Variants in SEPTIN4 observed in about 807,000 individuals in gnomAD.
SEPTIN4 encodes septin-4.
Under a neutral mutation model 107.1 loss-of-function variants are expected in SEPTIN4, and 52 were observed. That is an observed-to-expected ratio of 0.49 (90% CI 0.39 to 0.61). SEPTIN4 has a LOEUF of 0.61. Among genes scored for constraint, SEPTIN4 ranks in the 20% least tolerant of loss-of-function variants. The pLI, the probability that SEPTIN4 is intolerant of heterozygous loss-of-function variation, is 0.00. For synonymous variants in SEPTIN4, 417 were observed against 467.0 expected, an observed-to-expected ratio of 0.89 and a Z score of 1.38; for missense variants, 1,048 against 1,243.5, an observed-to-expected ratio of 0.84 and a Z score of 2.36.
Position 58,538,391 on chromosome 17 carries a change from A to G in SEPTIN4, c.1614+2275T>C, listed in dbSNP as rs2043787153. On this transcript the variant is annotated intron_variant, in intron 3 of 13. Transcript: ENST00000672673. This position sits in a 1 kb window ranked among gnomAD's most constrained non-coding sequence, Gnocchi z 4.7. Reference sequence around the variant, plus strand: ...TGGTTTCTTGCATAATTGATAGAGCAGAGAGTAAACCACCTTGCCCTATGA... The same window carrying G: ...TGGTTTCTTGCATAATTGATAGAGCGGAGAGTAAACCACCTTGCCCTATGA... Among the ~76,000 whole-genome samples the G allele has an allele frequency of 1.3e-5, 2 of 152,212 alleles. No homozygotes were observed. Among genetic ancestry groups the G allele is most frequent in the African/African-American group, 4.8e-5 (2 of 41,452 alleles).
intron 3 of SEPTIN4, chr17:58,531,335 G>A (rs2043444687): frequency 6.6e-6 from 1 of 152,554 alleles, no homozygotes; most frequent in Non-Finnish European, 1.5e-5. Flanking sequence ...GCTTTCCCAT[G>A]GTTCCTGTCC....
chr17:58,527,824 A>G (rs2043094540), intron 3 of SEPTIN4: 1 of 985,114 alleles, frequency 1.0e-6, no homozygotes, highest in Admixed American at 6.2e-5. Flanking sequence ...TTGTCTCCTT[A>G]CCCCCTCTGC....
intron 7 of SEPTIN4, chr17:58,524,576 T>TA (rs1265665262): frequency 6.6e-6 from 1 of 150,788 alleles, no homozygotes; most frequent in African/African-American, 2.5e-5. Flanking sequence ...TTATCTTTTT[T>TA]TTTTTTTTTT....
At chr17:58,540,289 G>A (rs2043842042) in intron 3 of SEPTIN4, among the ~76,000 whole-genome samples, 1 of 152,196 alleles carries the variant, frequency 6.6e-6, no homozygotes, top group South Asian at 2.1e-4. Flanking sequence ...AGGCTGAAAA[G>A]AGGAGAACCA....
chr17:58,530,295 T>G (rs1183633934), intron 3 of SEPTIN4: 2 of 152,244 alleles, frequency 1.3e-5, no homozygotes, highest in East Asian at 3.8e-4. Context: ...GCTTTGAACC[T>G]GAGAAGAGAA....
rs528197096 is a variant in SEPTIN4, at chr17:58,540,577, T to C, written c.1614+89A>G. 3.2e-5 allele frequency: 34 copies of C among 1,073,738 alleles called. No individual in the cohort carries two copies. In the South Asian group the frequency reaches 5.7e-4, roughly 18 times the overall value. 66.5% of individuals were successfully genotyped at this position (1,073,738 alleles called of 1,614,324 possible). On this transcript the variant is annotated intron_variant, in intron 3 of 13. Transcript: ENST00000672673. Reference sequence around the variant, plus strand: ...TAGGGAGCAGCTCTGTCTCCCTCCATGCCCACTCCCATTACAGGACAGGAG... The same window carrying C: ...TAGGGAGCAGCTCTGTCTCCCTCCACGCCCACTCCCATTACAGGACAGGAG...
At chr17:58,539,376 A>C (rs1023322316) in intron 3 of SEPTIN4, among the ~76,000 whole-genome samples, 1 of 152,174 alleles carries the variant, frequency 6.6e-6, no homozygotes, top group Non-Finnish European at 1.5e-5. Context: ...ACTGAAGGGA[A>C]ATATTAACCC....
Position 58,526,731 on chromosome 17 carries a change from G to A in SEPTIN4, c.1862C>T (p.Ala621Val). ...CTTGCCCCATGGGCTGCGGGGCCTG[G>A]CAGATGGGCTGAGAGGGGCTGGGGC... ...FCAPAPLSPSARPRSPWGKLD... is the reference protein window; with the variant it reads ...FCAPAPLSPSVRPRSPWGKLD... Residue 621 changes from alanine (A) to valine (V), a missense_variant, in exon 4 of 14, where the codon GCC becomes GTC. Transcript: ENST00000672673. The A allele has an allele frequency of 6.2e-7, 1 of 1,609,158 alleles. No homozygotes were observed. Among genetic ancestry groups the A allele is most frequent in the Non-Finnish European group, 8.5e-7 (1 of 1,178,136 alleles).
At chr17:58,526,631 G>A in intron 4 of SEPTIN4, 51 bp downstream of exon 4, 2 of 1,504,438 alleles carry the variant, frequency 1.3e-6, no homozygotes, top group Admixed American at 2.3e-5. Context: ...CCTGCCCCCG[G>A]TCTTCCTGCA....
At chr17:58,532,179 GC>G in intron 3 of SEPTIN4, 1 of 882,574 alleles carries the variant, frequency 1.1e-6, no homozygotes, top group Non-Finnish European at 1.4e-6. Flanking sequence ...GGGTCGGGGT[GC>G]CCAGCTGGGG....
chr17:58,536,717 C>A (rs1428625737), intron 3 of SEPTIN4, among the ~76,000 whole-genome samples: 2 of 152,242 alleles, frequency 1.3e-5, no homozygotes, highest in African/African-American at 2.4e-5. Flanking sequence ...CCCCAAGGTG[C>A]AGCTGTCTCC....
At chr17:58,529,146 T>A (rs572793171) in intron 3 of SEPTIN4, 1 of 1,614,206 alleles carries the variant, frequency 6.2e-7, no homozygotes, top group Non-Finnish European at 8.5e-7. Flanking sequence ...AGGGACAGAA[T>A]TCCCTTGCCA....
intron 3 of SEPTIN4, among the ~76,000 whole-genome samples, chr17:58,533,945 A>G (rs1034523947): frequency 7.9e-5 from 12 of 152,292 alleles, no homozygotes; most frequent in Admixed American, 7.8e-4. Context: ...CTCTATTATA[A>G]CATGCCCCTC....
intron 1 of SEPTIN4, among the ~76,000 whole-genome samples, 180 bp from the exon 2 acceptor site, chr17:58,542,146 TTC>T (rs2043896049): frequency 6.6e-6 from 1 of 152,124 alleles, no homozygotes; most frequent in African/African-American, 2.4e-5. Context: ...CACTCTCCCT[TTC>T]TCTTTTTTAC....
In SEPTIN4 at chr17:58,544,011, G is replaced by A. The variant is rs535073610; in HGVS notation, c.176C>T (p.Thr59Ile). The A allele has an allele frequency of 8.1e-6, 13 of 1,613,994 alleles. No individual in the cohort carries two copies. Among genetic ancestry groups the A allele is most frequent in the Non-Finnish European group, 9.3e-6 (11 of 1,179,990 alleles). The change falls in exon 1 of 14, where the codon ACC becomes ATC. Residue 59 changes from threonine (T) to isoleucine (I), a missense_variant. By Grantham distance (89) the Thr-to-Ile change is moderately conservative. This residue lies in a region of SEPTIN4 where 787 missense variants were observed against 871.8 expected (regional missense o/e 0.90). Transcript: ENST00000672673. ...GTAGTCTGATGCTGAATGGGGAGTG[G>A]TGGGATGTGCAGCTTCTGATCTTCG... ...SHRRSEAAHP[T>I]TPHSASDYPR...
rs1203853054 is a variant in SEPTIN4 at position 58,527,061 on chromosome 17, CAGG to C, written c.1615-86_1615-84del. The C allele has an allele frequency of 1.9e-6, 3 of 1,603,664 alleles. No individual in the cohort carries two copies. The East Asian group carries it at 6.7e-5, about 36-fold the overall frequency. ...GAAGAATGAGGAAGGAGACAGAAGACAGGAGAAGGCAAGAGGGAAAGGGAAAGC... is the reference window on the plus strand; with the variant it reads ...GAAGAATGAGGAAGGAGACAGAAGACAGAAGGCAAGAGGGAAAGGGAAAGC... On this transcript the variant is annotated intron_variant, in intron 3 of 13. Transcript: ENST00000672673.
In SEPTIN4 at chr17:58,520,460, T is replaced by C. The variant is rs1300644222; in HGVS notation, c.2957A>G (p.His986Arg). The C allele has an allele frequency of 1.9e-6, 3 of 1,613,468 alleles. No individual in the cohort carries two copies. The highest frequency in any genetic ancestry group is 2.5e-6 in the Non-Finnish European group (3 of 1,180,040). ...EELRRMQEMLHKIQKQMKENY is the reference protein window; with the variant it reads ...EELRRMQEMLRKIQKQMKENY Reference sequence around the variant, plus strand: ...CTCCTTCATCTGTTTTTGTATTTTGTGTAGCATCTCCTGCATCCGCCGCAG... The same window carrying C: ...CTCCTTCATCTGTTTTTGTATTTTGCGTAGCATCTCCTGCATCCGCCGCAG... The change falls in exon 14 of 14, where the codon CAC (histidine) becomes CGC (arginine). Residue 986 changes from histidine (H) to arginine (R), a missense_variant. Physicochemically the swap from His to Arg is conservative, Grantham distance 29. Coordinates refer to ENST00000672673, the MANE Select transcript of SEPTIN4 (RefSeq NM_001368771.2).
intron 3 of SEPTIN4, chr17:58,527,936 C>T (rs369304636): frequency 1.0e-6 from 1 of 985,766 alleles, no homozygotes; most frequent in Non-Finnish European, 1.2e-6. Context: ...TGTTCTACCC[C>T]ATCCTCAGCT....
At chr17:58,527,824 AC>A in intron 3 of SEPTIN4, 2 of 985,232 alleles carry the variant, frequency 2.0e-6, no homozygotes, top group Admixed American at 6.2e-5. Flanking sequence ...TTGTCTCCTT[AC>A]CCCCTCTGCC....
Sources: gnomAD v4.1 joint callset for allele counts (sites outside exome capture counted in the v4.1 genomes callset) on GRCh38, gnomAD v4.1.1 for gene constraint, gnomAD v4.1.1 regional missense constraint, Gnocchi (gnomAD v3.1) non-coding constraint, MANE v1.5 for transcripts, NCBI Gene and HGNC (gene_info 2026-07-23, HGNC 2026-07-21) for gene names.